PLXDC2: variants seen among roughly 807,000 people sequenced by gnomAD.
PLXDC2 encodes plexin domain containing 2, also known as plexin domain-containing protein 2.
In PLXDC2, 40 loss-of-function variants were observed where a neutral mutation model predicts 68.9. The ratio of observed to expected loss-of-function variants is 0.58; its 90% CI spans 0.45 to 0.76. The LOEUF (loss-of-function observed/expected upper bound fraction) is 0.76. PLXDC2 is among the 30% of genes least tolerant of loss of function. The pLI, the probability that PLXDC2 is intolerant of heterozygous loss-of-function variation, is 0.00. For synonymous variants in PLXDC2, 243 were observed against 234.2 expected, an observed-to-expected ratio of 1.04 and a Z score of -0.34; for missense variants, 644 against 661.9, an observed-to-expected ratio of 0.97 and a Z score of 0.30.
chr10:20,099,714 A>G (rs548453973), intron 4 of PLXDC2, among the ~76,000 whole-genome samples: 3 of 152,322 alleles, frequency 2.0e-5, no homozygotes, highest in African/African-American at 7.2e-5. Context: ...GATCTGCTAG[A>G]AAGGTTCTGG....
At chr10:19,917,744 T>G (rs1833395056) in intron 1 of PLXDC2, among the ~76,000 whole-genome samples, 1 of 152,164 alleles carries the variant, frequency 6.6e-6, no homozygotes, top group Admixed American at 6.5e-5. Flanking sequence ...CTGAGTAAAC[T>G]TTTTAGTGGG....
chr10:19,822,636 C>G (rs1357271919), intron 1 of PLXDC2, among the ~76,000 whole-genome samples: 2 of 152,154 alleles, frequency 1.3e-5, no homozygotes, highest in Admixed American at 1.3e-4. Flanking sequence ...CCCACACTTA[C>G]TATCTATTGT....
At chr10:20,100,168 G>A (rs751444890) in intron 4 of PLXDC2, among the ~76,000 whole-genome samples, 3 of 152,056 alleles carry the variant, frequency 2.0e-5, no homozygotes, top group Non-Finnish European at 4.4e-5. Context: ...TTATATCCAC[G>A]GAAATAATCC....
At chr10:20,220,810 G>A (rs1588525534) in intron 12 of PLXDC2, among the ~76,000 whole-genome samples, 2 of 150,580 alleles carry the variant, frequency 1.3e-5, no homozygotes, top group African/African-American at 4.9e-5. Flanking sequence ...AATTCATACT[G>A]GCATGTCTCC....
chr10:20,094,886 T>G (rs1833327572), intron 4 of PLXDC2, among the ~76,000 whole-genome samples: 1 of 152,002 alleles, frequency 6.6e-6, no homozygotes, highest in Non-Finnish European at 1.5e-5. Context: ...TGCTGCTAAT[T>G]TATTTCTTCA....
chr10:20,181,805 A>G (rs1834608346), intron 9 of PLXDC2, among the ~76,000 whole-genome samples: 1 of 152,192 alleles, frequency 6.6e-6, no homozygotes. Context: ...AATGGAAAGC[A>G]TTTAGACTTT....
chr10:19,878,894 G>T (rs10508600), intron 1 of PLXDC2, among the ~76,000 whole-genome samples: 2 of 151,958 alleles, frequency 1.3e-5, no homozygotes, highest in Non-Finnish European at 2.9e-5. Context: ...TTGATTTTCA[G>T]CAGTAAACTT....
At chr10:19,850,934 T>C (rs761121491) in intron 1 of PLXDC2, among the ~76,000 whole-genome samples, 7 of 152,130 alleles carry the variant, frequency 4.6e-5, no homozygotes, top group Non-Finnish European at 8.8e-5. Flanking sequence ...TCACAAACAT[T>C]TTGTTGAATG....
chr10:20,030,055 A>G (rs903970562), intron 2 of PLXDC2, among the ~76,000 whole-genome samples: 4 of 152,198 alleles, frequency 2.6e-5, no homozygotes, highest in African/African-American at 9.6e-5. Context: ...GCACTCTTAG[A>G]GATTATTTGA....
chr10:20,188,575 G>A (rs984628710), intron 9 of PLXDC2, among the ~76,000 whole-genome samples: 3 of 151,662 alleles, frequency 2.0e-5, no homozygotes, highest in African/African-American at 7.3e-5. Flanking sequence ...TGCTGATCTT[G>A]TATGTCTGAG....
intron 2 of PLXDC2, among the ~76,000 whole-genome samples, chr10:20,044,346 T>C (rs1248239999): frequency 6.7e-6 from 1 of 149,992 alleles, no homozygotes; most frequent in Non-Finnish European, 1.5e-5. Flanking sequence ...AGTCTTTCTC[T>C]GTTGCCCAGG....
intron 2 of PLXDC2, among the ~76,000 whole-genome samples, chr10:20,017,915 T>G (rs1045908482): frequency 1.3e-5 from 2 of 152,080 alleles, no homozygotes; most frequent in African/African-American, 4.8e-5. Context: ...TGCAGGAGAA[T>G]AGTGGGGCAT....
intron 7 of PLXDC2, among the ~76,000 whole-genome samples, chr10:20,174,699 G>A (rs572633965): frequency 6.6e-6 from 1 of 152,066 alleles, no homozygotes; most frequent in South Asian, 2.1e-4. Context: ...TGTAAATGAC[G>A]AGTTAATGGG....
chr10:20,268,119 T>C (rs1416912066), intron 13 of PLXDC2, among the ~76,000 whole-genome samples: 1 of 152,186 alleles, frequency 6.6e-6, no homozygotes, highest in Non-Finnish European at 1.5e-5. Context: ...GCCTCTACAA[T>C]TGATCCTCTA....
chr10:20,059,545 C>G (rs1047358160), intron 3 of PLXDC2, among the ~76,000 whole-genome samples: 3 of 152,140 alleles, frequency 2.0e-5, no homozygotes, highest in Non-Finnish European at 4.4e-5. Context: ...GTTCTAAGTT[C>G]TGCTATGAAA....
intron 1 of PLXDC2, among the ~76,000 whole-genome samples, chr10:19,833,709 C>T (rs1589490716): frequency 1.3e-5 from 2 of 152,116 alleles, no homozygotes; most frequent in African/African-American, 2.4e-5. Context: ...TTACACAATT[C>T]CCTTGGATGA....
Position 20,129,526 on chromosome 10 carries a change from C to CATAT in PLXDC2, c.542-13759_542-13756dup, listed in dbSNP as rs35632011. On this transcript the variant is annotated intron_variant, in intron 4 of 13. Transcript: ENST00000377252. ...AGGGGTCATCCCATATATACATACA[C>CATAT]ATATATATATATACACATACACATA... Among the ~76,000 whole-genome samples the CATAT allele has an allele frequency of 2.1e-3, 309 of 146,790 alleles. 1 individual carries two copies. Among genetic ancestry groups the CATAT allele is most frequent in the African/African-American group, 5.3e-3 (213 of 39,992 alleles).
At chr10:20,140,511 T>C (rs936356079) in intron 4 of PLXDC2, among the ~76,000 whole-genome samples, 1 of 151,908 alleles carries the variant, frequency 6.6e-6, no homozygotes, top group African/African-American at 2.4e-5. Flanking sequence ...GGGGTGTTGG[T>C]ATCTGTGAGT....
chr10:19,931,050 A>G (rs1448725941), intron 1 of PLXDC2, among the ~76,000 whole-genome samples: 1 of 152,228 alleles, frequency 6.6e-6, no homozygotes, highest in Non-Finnish European at 1.5e-5. Context: ...TGTTTGCTGA[A>G]TGATGGGATT....
Sources: allele counts gnomAD v4.1 joint callset (sites outside exome capture counted in the v4.1 genomes callset), GRCh38; gene constraint gnomAD v4.1.1; transcripts MANE v1.5; gene names NCBI Gene and HGNC (gene_info 2026-07-23, HGNC 2026-07-21).